The following CSMD2 variants were observed in gnomAD, a reference collection of about 807,000 sequenced individuals.
The protein encoded by CSMD2 is CUB and Sushi multiple domains 2, also known as CUB and sushi domain-containing protein 2.
Under a neutral mutation model 398.5 loss-of-function variants are expected in CSMD2, and 130 were observed. That is an observed-to-expected ratio of 0.33 (90% CI 0.28 to 0.38). The LOEUF (loss-of-function observed/expected upper bound fraction) is 0.38. Among genes scored for constraint, CSMD2 ranks in the 10% least tolerant of loss-of-function variants. CSMD2 has a pLI of 1.00. For missense variants in CSMD2, 3,829 were observed against 4,764.9 expected (o/e 0.80, Z 5.78); for synonymous variants, 1,828 against 1,908.5 (o/e 0.96, Z 1.10).
chr1:33,824,877 A>G (rs1658605092), intron 7 of CSMD2, among the ~76,000 whole-genome samples: 1 of 152,082 alleles, frequency 6.6e-6, no homozygotes, highest in Non-Finnish European at 1.5e-5. Context: ...TGGAGGACCA[A>G]GGAAGGCTCC....
intron 13 of CSMD2, among the ~76,000 whole-genome samples, chr1:33,763,752 A>C (rs1305540957): frequency 1.3e-5 from 2 of 152,208 alleles, no homozygotes; most frequent in Non-Finnish European, 2.9e-5. Flanking sequence ...CCAGCTAAGC[A>C]TGATGGTACT....
At chr1:34,129,024 CAT>C (rs1275246699) in intron 1 of CSMD2, among the ~76,000 whole-genome samples, 6 of 150,280 alleles carry the variant, frequency 4.0e-5, no homozygotes, top group East Asian at 3.9e-4. Context: ...CACACACACA[CAT>C]ATACATTTTG....
At chr1:33,632,183 T>A (rs957201717) in intron 32 of CSMD2, among the ~76,000 whole-genome samples, 1 of 152,032 alleles carries the variant, frequency 6.6e-6, no homozygotes, top group African/African-American at 2.4e-5. Flanking sequence ...AGCAGTGTGA[T>A]GAAACTAAGA....
In CSMD2 at chr1:33,818,172, C is replaced by T. The variant is rs192200877; in HGVS notation, c.1324+1541G>A. Among the ~76,000 whole-genome samples the T allele has an allele frequency of 2.6e-4, 39 of 152,322 alleles. 1 individual carries two copies. The South Asian group carries it at 3.3e-3, about 13-fold the overall frequency. On this transcript the variant is annotated intron_variant, in intron 9 of 70. Transcript: ENST00000373381. ...TGGCTTCTCAAAAGGAATTCTGAAA[C>T]GACAGATGGGCAGGGTCCCTTGGTC...
intron 3 of CSMD2, among the ~76,000 whole-genome samples, chr1:34,017,201 G>C (rs538477828): frequency 6.6e-6 from 1 of 152,266 alleles, no homozygotes; most frequent in East Asian, 1.9e-4. Context: ...CTCCAATTTA[G>C]GGTAATTAAA....
chr1:34,070,612 G>A (rs2148295695), intron 2 of CSMD2, among the ~76,000 whole-genome samples: 1 of 152,266 alleles, frequency 6.6e-6, no homozygotes, highest in South Asian at 2.1e-4. Context: ...GAGTAACACT[G>A]GGCACTTACA....
At chr1:33,763,756 T>A (rs1650136396) in intron 13 of CSMD2, among the ~76,000 whole-genome samples, 1 of 152,204 alleles carries the variant, frequency 6.6e-6, no homozygotes, top group Admixed American at 6.5e-5. Flanking sequence ...CTAAGCATGA[T>A]GGTACTTTGG....
intron 3 of CSMD2, among the ~76,000 whole-genome samples, chr1:33,989,901 G>A (rs1019089222): frequency 6.6e-6 from 1 of 152,166 alleles, no homozygotes; most frequent in Non-Finnish European, 1.5e-5. Flanking sequence ...AGATGTTTAT[G>A]TCTTGATTGT....
chr1:33,706,428 C>T (rs972323162), intron 22 of CSMD2, among the ~76,000 whole-genome samples: 1 of 152,138 alleles, frequency 6.6e-6, no homozygotes, highest in Non-Finnish European at 1.5e-5. Flanking sequence ...TCAATCTCTC[C>T]TCATCTCAGA....
chr1:33,682,436 G>C (rs1296341855), intron 25 of CSMD2, among the ~76,000 whole-genome samples: 2 of 152,160 alleles, frequency 1.3e-5, no homozygotes, highest in East Asian at 3.9e-4. Flanking sequence ...AGTTCCTCAG[G>C]AAGCCGATGA....
rs1268589599 is a variant in CSMD2 at position 33,635,263 on chromosome 1, G to A, written c.5037C>T (p.Tyr1679=). 1 of 1,613,696 alleles carries A rather than the reference G, an allele frequency of 6.2e-7. No individual in the cohort carries two copies. The highest frequency in any genetic ancestry group is 2.2e-5 in the East Asian group (1 of 44,856). Residue 1679 remains tyrosine, a synonymous_variant, in exon 31 of 71, where the codon TAC becomes TAT. Coordinates refer to ENST00000373381, the MANE Select transcript of CSMD2 (RefSeq NM_001281956.2). This position sits in a 1 kb window ranked among gnomAD's most constrained non-coding sequence, Gnocchi z 5.0. ...VVLSPNYPQN[Y]TSGQICLYFV... ...AATACAAGCAGATCTGTCCACTGGT[G>A]TAGTTCTGGGGGTAGTTGGGGGACA...
chr1:34,114,573 C>A (rs1228968675), intron 1 of CSMD2, among the ~76,000 whole-genome samples: 3 of 152,154 alleles, frequency 2.0e-5, no homozygotes, highest in African/African-American at 7.2e-5. Flanking sequence ...TAGTGGTACA[C>A]CTATAGTCCT....
chr1:33,560,747 T>G (rs1430739225), intron 53 of CSMD2, among the ~76,000 whole-genome samples: 1 of 152,218 alleles, frequency 6.6e-6, no homozygotes, highest in Non-Finnish European at 1.5e-5. Context: ...TGTTTATTGC[T>G]TATCACCCTT....
At position 33,533,890 on chromosome 1, in the gene CSMD2, G is replaced by T. The variant is rs765141218; in HGVS notation, c.9897C>A (p.Leu3299=). Residue 3299 remains leucine (L), a synonymous_variant, in exon 63 of 71, where the codon CTC becomes CTA. Coordinates refer to ENST00000373381, the MANE Select transcript of CSMD2 (RefSeq NM_001281956.2). The surrounding 1 kb of genome is among the most constrained non-coding windows in gnomAD (Gnocchi z 4.2). ...SQGYQVGSTV[L]FRCQKGYLLQ... is the part of the protein sequence containing the mutation. ...GCAGGTAGCCTTTTTGACAACGGAA[G>T]AGGACTGTGCTTCCAACCTGCGGCA... The T allele has an allele frequency of 3.1e-6, 5 of 1,613,632 alleles. No homozygotes were observed. Among genetic ancestry groups the T allele is most frequent in the Non-Finnish European group, 3.4e-6 (4 of 1,179,530 alleles).
rs553441837 is a variant in CSMD2 at position 34,042,806 on chromosome 1, GAGA to G, written c.405-10103_405-10101del. On this transcript the variant is annotated intron_variant, in intron 2 of 70. Coordinates refer to ENST00000373381, the MANE Select transcript of CSMD2 (RefSeq NM_001281956.2). Reference sequence around the variant, plus strand: ...CTACCCACACTGGCTTCTATTTTTTGAGAAGGAGTCTCGCTCTGTGGCCCAGGC... The same window carrying G: ...CTACCCACACTGGCTTCTATTTTTTGAGGAGTCTCGCTCTGTGGCCCAGGC... Among the ~76,000 whole-genome samples the G allele has an allele frequency of 2.0e-4, 30 of 152,166 alleles. No homozygotes were observed. The East Asian group carries it at 2.9e-3, about 15-fold the overall frequency.
Position 33,554,539 on chromosome 1 carries a change from C to T in CSMD2, c.8743+3195G>A, listed in dbSNP as rs1271251371. On this transcript the variant is annotated intron_variant, in intron 55 of 70. Transcript: ENST00000373381. ...AGGACTTTCATAGCTAGAGAGAAGT[C>T]AATGCCTGGCTTCAAAATTTCAAAA... 5.3e-5 allele frequency among the ~76,000 whole-genome samples: 8 copies of T among 152,170 alleles called. No homozygotes were observed. In the East Asian group the frequency reaches 1.5e-3, roughly 29 times the overall value.
At chr1:33,886,076 CT>C (rs1219642836) in intron 5 of CSMD2, among the ~76,000 whole-genome samples, 1 of 152,104 alleles carries the variant, frequency 6.6e-6, no homozygotes, top group Non-Finnish European at 1.5e-5. Context: ...CTTATGGTCG[CT>C]GATACTTAAT....
rs185527591 is a variant in CSMD2, at chr1:34,037,164, T to C, written c.405-4458A>G. On this transcript the variant is annotated intron_variant, in intron 2 of 70. Transcript: ENST00000373381. Reference sequence around the variant, plus strand: ...AATTATATCTATGGCTCATATTATATTGCTATTGGACAGTACGCCAGTCCT... The same window carrying C: ...AATTATATCTATGGCTCATATTATACTGCTATTGGACAGTACGCCAGTCCT... Among the ~76,000 whole-genome samples, 7 of 152,338 alleles carry C rather than the reference T, an allele frequency of 4.6e-5. No individual in the cohort carries two copies. The East Asian group carries it at 9.6e-4, about 21-fold the overall frequency.
At chr1:33,670,565 T>C (rs1644463577) in intron 25 of CSMD2, among the ~76,000 whole-genome samples, 1 of 152,204 alleles carries the variant, frequency 6.6e-6, no homozygotes, top group South Asian at 2.1e-4. Flanking sequence ...TTTGGTGCTC[T>C]ACACTACCAA....
Sources: allele counts gnomAD v4.1 joint callset (sites outside exome capture counted in the v4.1 genomes callset), GRCh38; gene constraint gnomAD v4.1.1; non-coding constraint Gnocchi (gnomAD v3.1); transcripts MANE v1.5; gene names NCBI Gene and HGNC (gene_info 2026-07-23, HGNC 2026-07-21).